Variants in ADAMTS17 observed in about 807,000 individuals in gnomAD.
ADAMTS17 encodes A disintegrin and metalloproteinase with thrombospondin motifs 17.
ADAMTS17 carries 113 observed loss-of-function variants against 141.5 expected under a neutral mutation model. The ratio of observed to expected loss-of-function variants is 0.80; its 90% CI spans 0.69 to 0.93. ADAMTS17 has a LOEUF of 0.93. Among genes scored for constraint, ADAMTS17 ranks in the 40% least tolerant of loss-of-function variants. ADAMTS17 has a pLI of 0.00. For synonymous variants in ADAMTS17, 768 were observed against 630.6 expected (o/e 1.22, Z -3.27); for missense variants, 1,659 against 1,517.9 (o/e 1.09, Z -1.54).
At chr15:100,310,300 G>A (rs537496104) in intron 3 of ADAMTS17, among the ~76,000 whole-genome samples, 1 of 152,222 alleles carries the variant, frequency 6.6e-6, no homozygotes, top group Non-Finnish European at 1.5e-5. Context: ...AGGGAGAGGA[G>A]GGGTAATAAA....
chr15:100,037,809 C>A (rs752446545), intron 18 of ADAMTS17, among the ~76,000 whole-genome samples: 1 of 152,182 alleles, frequency 6.6e-6, no homozygotes, highest in South Asian at 2.1e-4. Context: ...AGGTCTCACT[C>A]TGTCACCCAG....
At chr15:100,229,317 G>A (rs903664490) in intron 7 of ADAMTS17, among the ~76,000 whole-genome samples, 3 of 142,198 alleles carry the variant, frequency 2.1e-5, no homozygotes, top group Non-Finnish European at 3.0e-5. Flanking sequence ...ACCATTGACT[G>A]GACTCCCAGG....
chr15:100,260,602 G>A (rs1369236042), intron 6 of ADAMTS17, among the ~76,000 whole-genome samples: 2 of 134,464 alleles, frequency 1.5e-5, no homozygotes, highest in Non-Finnish European at 3.1e-5. Flanking sequence ...GGCAACAGAG[G>A]AGACTCCATC....
chr15:99,996,633 C>G (rs1056885630), intron 19 of ADAMTS17, among the ~76,000 whole-genome samples: 14 of 152,170 alleles, frequency 9.2e-5, no homozygotes, highest in African/African-American at 3.4e-4. Context: ...CTTTTTTATT[C>G]AAAATAATTC....
intron 20 of ADAMTS17, among the ~76,000 whole-genome samples, chr15:99,992,591 C>CCT (rs2060711255): frequency 6.6e-6 from 1 of 152,172 alleles, no homozygotes; most frequent in Non-Finnish European, 1.5e-5. Context: ...CTGTGATACT[C>CCT]CTCCCTGCTA....
At chr15:100,211,290 C>A (rs2041801151) in intron 7 of ADAMTS17, among the ~76,000 whole-genome samples, 1 of 85,738 alleles carries the variant, frequency 1.2e-5, no homozygotes. Context: ...AGCAAGACAA[C>A]TTCATCTCAA....
intron 20 of ADAMTS17, among the ~76,000 whole-genome samples, chr15:99,977,157 A>G (rs1596133711): frequency 6.6e-6 from 1 of 151,438 alleles, no homozygotes; most frequent in South Asian, 2.1e-4. Context: ...TTTCTTGCAT[A>G]CCAGAGTCAC....
At position 100,050,348 on chromosome 15, in the gene ADAMTS17, C is replaced by G. The variant is rs190964396; in HGVS notation, c.2455+1224G>C. Among the ~76,000 whole-genome samples, 6 of 152,282 alleles carry G rather than the reference C, an allele frequency of 3.9e-5. No individual in the cohort carries two copies. The East Asian group carries it at 1.2e-3, about 29-fold the overall frequency. ...CCCAAGAGGAAAACCTGGCTGGAATCAGAGGTAGATGTGTCAGCTGGATTT... is the reference window on the plus strand; with the variant it reads ...CCCAAGAGGAAAACCTGGCTGGAATGAGAGGTAGATGTGTCAGCTGGATTT... On this transcript the variant is annotated intron_variant, in intron 17 of 21. Transcript: ENST00000268070.
intron 8 of ADAMTS17, among the ~76,000 whole-genome samples, chr15:100,162,976 A>G (rs28665755): frequency 1.4e-5 from 2 of 140,772 alleles, no homozygotes; most frequent in East Asian, 4.0e-4. Context: ...ATGTATATAT[A>G]TGTGTATATA....
At chr15:100,311,716 T>C (rs2045411654) in intron 3 of ADAMTS17, among the ~76,000 whole-genome samples, 1 of 152,156 alleles carries the variant, frequency 6.6e-6, no homozygotes, top group Admixed American at 6.5e-5. Flanking sequence ...TTTGTTTCAA[T>C]GTTTAGATTT....
chr15:100,143,413 G>C lies in ADAMTS17; in HGVS notation c.1473+9199C>G, dbSNP rs555513282. 2.6e-5 allele frequency among the ~76,000 whole-genome samples: 4 copies of C among 152,040 alleles called. No individual in the cohort carries two copies. The East Asian group carries it at 7.7e-4, about 29-fold the overall frequency. On this transcript the variant is annotated intron_variant, in intron 10 of 21. Transcript: ENST00000268070. ...AGGAGAAACTTGTAATCATAAAAAAGACTGATTGGGCTAATTGCATAAAGT... is the reference window on the plus strand; with the variant it reads ...AGGAGAAACTTGTAATCATAAAAAACACTGATTGGGCTAATTGCATAAAGT...
At chr15:100,205,387 A>G (rs1021982172) in intron 7 of ADAMTS17, among the ~76,000 whole-genome samples, 1 of 152,172 alleles carries the variant, frequency 6.6e-6, no homozygotes, top group Non-Finnish European at 1.5e-5. Context: ...AGGGGAAGGA[A>G]AGAGAAACGA....
intron 3 of ADAMTS17, among the ~76,000 whole-genome samples, chr15:100,296,104 CG>C (rs397854532): frequency 2.6e-5 from 4 of 152,016 alleles, no homozygotes; most frequent in African/African-American, 9.7e-5. Flanking sequence ...TTAACAGATT[CG>C]GGGTCAATGT....
intron 4 of ADAMTS17, among the ~76,000 whole-genome samples, chr15:100,271,903 G>T (rs2043926462): frequency 6.6e-6 from 1 of 152,004 alleles, no homozygotes; most frequent in Non-Finnish European, 1.5e-5. Flanking sequence ...TTGTATGTTA[G>T]GTAAGGATCC....
intron 18 of ADAMTS17, among the ~76,000 whole-genome samples, chr15:100,044,555 T>C (rs1413939107): frequency 1.3e-5 from 2 of 152,240 alleles, no homozygotes; most frequent in Non-Finnish European, 2.9e-5. Flanking sequence ...ATATGTTCCA[T>C]GACCATGAGC....
chr15:100,133,411 T>C (rs1391522861), intron 10 of ADAMTS17, 96 bp from the exon 11 acceptor site: 1 of 1,276,508 alleles, frequency 7.8e-7, no homozygotes, highest in Non-Finnish European at 1.1e-6. Context: ...TGTTTCAAAT[T>C]TGGGATTCGA....
At chr15:100,230,190 A>G (rs748785775) in intron 7 of ADAMTS17, among the ~76,000 whole-genome samples, 5 of 152,256 alleles carry the variant, frequency 3.3e-5, no homozygotes, top group Non-Finnish European at 7.3e-5. Context: ...TTGGGCTTGC[A>G]GAAGAGCACA....
At chr15:100,191,806 A>T (rs998081856) in intron 8 of ADAMTS17, among the ~76,000 whole-genome samples, 5 of 152,142 alleles carry the variant, frequency 3.3e-5, no homozygotes, top group African/African-American at 7.2e-5. Context: ...GGAGGAAGCA[A>T]GAAATCAGGC....
chr15:100,106,369 C>T (rs1410051692), intron 14 of ADAMTS17, among the ~76,000 whole-genome samples: 1 of 152,176 alleles, frequency 6.6e-6, no homozygotes, highest in Non-Finnish European at 1.5e-5. Context: ...CACCCAAGTG[C>T]AGAACAGGGT....
Sources: gnomAD v4.1 joint callset for allele counts (sites outside exome capture counted in the v4.1 genomes callset) on GRCh38, gnomAD v4.1.1 for gene constraint, MANE v1.5 for transcripts, NCBI Gene and HGNC (gene_info 2026-07-23, HGNC 2026-07-21) for gene names.